The following ADD2 variants were observed in gnomAD, a reference collection of about 807,000 sequenced individuals.
The protein encoded by ADD2 is beta-adducin.
A neutral mutation model predicts 83.0 loss-of-function variants in ADD2; 23 were observed. The observed-to-expected ratio is 0.28, with a 90% confidence interval of 0.20 to 0.39. ADD2 has a LOEUF of 0.39. ADD2 is among the 10% of genes least tolerant of loss of function. The probability of loss-of-function intolerance (pLI) is 1.00; values close to 1 mark genes in which losing one functional copy is unlikely to be tolerated. For missense variants in ADD2, 758 were observed against 944.9 expected (o/e 0.80, Z 2.59); for synonymous variants, 375 against 375.4 (o/e 1.00, Z 0.01).
rs753165394 is a variant in ADD2 at position 70,744,750 on chromosome 2, T to C, written c.-154+23136A>G. On this transcript the variant is annotated intron_variant, in intron 1 of 15. Transcript: ENST00000264436. ...CATATTGAATGCTCACACTGAAAAA[T>C]AGAATAGGGGATGGGTCACTAGTGG... Among the ~76,000 whole-genome samples, 123 of 151,866 alleles carry C rather than the reference T, an allele frequency of 8.1e-4. No homozygotes were observed. The Middle Eastern group carries it at 0.01, about 13-fold the overall frequency.
rs537565994 is a variant in ADD2 at position 70,739,164 on chromosome 2, C to T, written c.-153-25980G>A. ...TATCTGACAAAGGTGTAATATCCAGCATCTATAAGGAACTTAAACAAATTT... is the reference window on the plus strand; with the variant it reads ...TATCTGACAAAGGTGTAATATCCAGTATCTATAAGGAACTTAAACAAATTT... On this transcript the variant is annotated intron_variant, in intron 1 of 15. Coordinates refer to ENST00000264436, the MANE Select transcript of ADD2 (RefSeq NM_001617.4). Among the ~76,000 whole-genome samples the T allele has an allele frequency of 1.1e-3, 173 of 152,122 alleles. 1 individual carries two copies. Among genetic ancestry groups the T allele is most frequent in the African/African-American group, 3.7e-3 (152 of 41,530 alleles).
chr2:70,713,333 C>T (rs1337866315), intron 1 of ADD2, 149 bp from the exon 2 acceptor site: 3 of 235,884 alleles, frequency 1.3e-5, no homozygotes, highest in Non-Finnish European at 2.1e-5. Context: ...GGTAAAGAGG[C>T]CAGGCACAGT....
At chr2:70,765,227 C>T (rs1437931360) in intron 1 of ADD2, among the ~76,000 whole-genome samples, 2 of 152,102 alleles carry the variant, frequency 1.3e-5, no homozygotes, top group African/African-American at 4.8e-5. Context: ...GTGACACGCA[C>T]CTGTAGTCCC....
intron 1 of ADD2, among the ~76,000 whole-genome samples, chr2:70,733,773 T>A (rs1673391891): frequency 6.6e-6 from 1 of 152,210 alleles, no homozygotes; most frequent in Non-Finnish European, 1.5e-5. Flanking sequence ...ATAACTGATG[T>A]CACTGTGCCA....
chr2:70,695,677 G>T, intron 6 of ADD2, 44 bp downstream of exon 6: 1 of 1,567,306 alleles, frequency 6.4e-7, no homozygotes, highest in Non-Finnish European at 8.8e-7. Context: ...AGAGAGTGCT[G>T]TCATTTCAAT....
At chr2:70,758,913 T>A (rs1553384355) in intron 1 of ADD2, among the ~76,000 whole-genome samples, 1 of 152,088 alleles carries the variant, frequency 6.6e-6, no homozygotes, top group African/African-American at 2.4e-5. Flanking sequence ...TGTGGCCATA[T>A]GAAACAGGAA....
chr2:70,699,683 G>A (rs1361863343), intron 4 of ADD2, among the ~76,000 whole-genome samples: 2 of 152,152 alleles, frequency 1.3e-5, no homozygotes, highest in African/African-American at 2.4e-5. Context: ...GGGAGGCTGA[G>A]GCAGAAAGAT....
chr2:70,726,193 A>C, intron 1 of ADD2, among the ~76,000 whole-genome samples: 1 of 128,378 alleles, frequency 7.8e-6, no homozygotes. Flanking sequence ...TCTCAAAAAA[A>C]AAAAAAAAAA....
In ADD2 at chr2:70,676,292, G is replaced by C; in HGVS notation, c.1593+504C>G. The C allele has an allele frequency of 1.0e-6, 1 of 999,928 alleles. No individual in the cohort carries two copies. Among genetic ancestry groups the C allele is most frequent in the Non-Finnish European group, 1.2e-6 (1 of 839,946 alleles). The allele number at this position is 999,928 out of a possible 1,614,324, so 61.9% of individuals were successfully genotyped here. On this transcript the variant is annotated intron_variant, in intron 13 of 15. Coordinates refer to ENST00000264436, the MANE Select transcript of ADD2 (RefSeq NM_001617.4). The surrounding 1 kb of genome is among the most constrained non-coding windows in gnomAD (Gnocchi z 4.8). ...TCTAACTCAATGTGGGTTTGTGTGG[G>C]TAATATTGTCCCTTCCCATCCTGTA...
Position 70,695,735 on chromosome 2 carries a change from T to C in ADD2, c.541A>G (p.Thr181Ala). ...ACTGTACTCACCAGGCTGGACGCTGTGACTTCACTGCAAGAAACTCCCTTA... is the reference window on the plus strand; with the variant it reads ...ACTGTACTCACCAGGCTGGACGCTGCGACTTCACTGCAAGAAACTCCCTTA... ...SPKGVSCSEV[T>A]ASSLIKVNIL... is the part of the protein sequence containing the mutation. The change falls in exon 6 of 16, where the codon ACA (threonine) becomes GCA (alanine). Residue 181 changes from threonine (T) to alanine (A), a missense_variant. Thr to Ala is a moderately conservative substitution (Grantham distance 58, BLOSUM62 0). This residue lies in a region of ADD2 where 394 missense variants were observed against 509.3 expected (regional missense o/e 0.77). Coordinates refer to ENST00000264436, the MANE Select transcript of ADD2 (RefSeq NM_001617.4). 6.2e-7 allele frequency: 1 copy of C among 1,614,166 alleles called. No individual in the cohort carries two copies. The highest frequency in any genetic ancestry group is 8.5e-7 in the Non-Finnish European group (1 of 1,180,016).
At chr2:70,692,276 T>C (rs566307707) in intron 7 of ADD2, 127 bp downstream of exon 7, 25 of 1,108,526 alleles carry the variant, frequency 2.3e-5, no homozygotes, top group African/African-American at 3.2e-5. Flanking sequence ...CGTTTCCACG[T>C]TGGGAGTTCT....
chr2:70,722,211 AG>A (rs1553377495), intron 1 of ADD2, among the ~76,000 whole-genome samples: 1 of 152,202 alleles, frequency 6.6e-6, no homozygotes, highest in African/African-American at 2.4e-5. Flanking sequence ...GATTTGATAG[AG>A]GGGTAAAAAT....
chr2:70,736,416 G>T (rs565759699), intron 1 of ADD2, among the ~76,000 whole-genome samples: 52 of 152,308 alleles, frequency 3.4e-4, no homozygotes, highest in Non-Finnish European at 6.5e-4. Context: ...ATTTAAACTG[G>T]TTCTGTTCCT....
Position 70,695,784 on chromosome 2 carries a change from C to A in ADD2, c.492G>T (p.Glu164Asp). ...TAGGGCTGATCAGGAAGTGGTCCTG[C>A]TCCTTGCTGACTCTCAACTGGAGGA... ...DTYVTLRVSK[E>D]QDHFLISPKG... The change falls in exon 6 of 16, where the codon GAG becomes GAT. Residue 164 changes from glutamate (E) to aspartate (D), a missense_variant. By Grantham distance (45) the Glu-to-Asp change is conservative (BLOSUM62 2). Transcript: ENST00000264436. The A allele has an allele frequency of 6.2e-7, 1 of 1,614,108 alleles. No individual in the cohort carries two copies. Among genetic ancestry groups the A allele is most frequent in the Non-Finnish European group, 8.5e-7 (1 of 1,180,012 alleles).
chr2:70,711,909 T>C (rs1553375523), intron 2 of ADD2, among the ~76,000 whole-genome samples: 2 of 152,220 alleles, frequency 1.3e-5, no homozygotes, highest in Non-Finnish European at 2.9e-5. Flanking sequence ...ACCCCAGTTG[T>C]GGCTGGTGCC....
Position 70,688,108 on chromosome 2 carries a change from T to G in ADD2, c.864A>C (p.Arg288Ser). 1 of 1,613,962 alleles carries G rather than the reference T, an allele frequency of 6.2e-7. No homozygotes were observed. The highest frequency in any genetic ancestry group is 2.2e-5 in the East Asian group (1 of 44,884). The change falls in exon 9 of 16, where the codon AGA becomes AGC. Residue 288 changes from arginine to serine, a missense_variant. Physicochemically the swap from Arg to Ser is moderately radical, Grantham distance 110. Around this residue, in one of 5 missense-constraint regions of ADD2, gnomAD observed 394 missense variants for 509.3 expected, o/e 0.77. Coordinates refer to ENST00000264436, the MANE Select transcript of ADD2 (RefSeq NM_001617.4). ...CACCCAGAGCAACCACTCCATGGTT[T>G]CTTAGCACCAGGATCTGTAGAGAAA... ...LGPTCKILVL[R>S]NHGVVALGDT...
Position 70,717,875 on chromosome 2 carries a change from G to A in ADD2, c.-153-4691C>T, listed in dbSNP as rs373032164. 3.9e-5 allele frequency: 6 copies of A among 152,364 alleles called. No homozygotes were observed. The East Asian group carries it at 9.6e-4, about 24-fold the overall frequency. The allele number at this position is 152,364 out of a possible 1,614,324, so 9.4% of individuals were successfully genotyped here. A position where few individuals can be genotyped will look rare whatever the true frequency, so the allele number is the denominator to read the frequency against. On this transcript the variant is annotated intron_variant, in intron 1 of 15. Transcript: ENST00000264436. ...AAAGCTTATCATCATTTTTTCAAAT[G>A]CTTCTGAATTTTACAAAGTTCTAGA... is the stretch of plus-strand genomic sequence containing the variant.
At chr2:70,684,512 G>A (rs1375946201) in intron 9 of ADD2, among the ~76,000 whole-genome samples, 1 of 152,180 alleles carries the variant, frequency 6.6e-6, no homozygotes, top group Non-Finnish European at 1.5e-5. Flanking sequence ...GCCTCCCAAT[G>A]TGCTGGGATT....
chr2:70,734,850 C>T (rs1478118585), intron 1 of ADD2, among the ~76,000 whole-genome samples: 2 of 152,190 alleles, frequency 1.3e-5, no homozygotes, highest in African/African-American at 4.8e-5. Flanking sequence ...AGTGTGTTAT[C>T]TGTCTTTCTA....
Sources: allele counts gnomAD v4.1 joint callset (sites outside exome capture counted in the v4.1 genomes callset), GRCh38; gene constraint gnomAD v4.1.1; regional missense constraint gnomAD v4.1.1; non-coding constraint Gnocchi (gnomAD v3.1); transcripts MANE v1.5; gene names NCBI Gene and HGNC (gene_info 2026-07-23, HGNC 2026-07-21).